Variants in GLI3 observed in about 807,000 individuals in gnomAD.
GLI3 encodes GLI family zinc finger 3, also known as transcription activator GLI3.
GLI3 carries 20 observed loss-of-function variants against 100.8 expected under a neutral mutation model. The ratio of observed to expected loss-of-function variants is 0.20; its 90% confidence interval spans 0.14 to 0.29. The LOEUF (loss-of-function observed/expected upper bound fraction) is 0.29, where lower values mean the gene tolerates loss of function less well. Among genes scored for constraint, GLI3 ranks in the 10% least tolerant of loss-of-function variants. GLI3 has a pLI of 1.00. For missense variants in GLI3, 2,040 were observed against 2,128.5 expected (o/e 0.96, Z 0.82); for synonymous variants, 938 against 860.5 (o/e 1.09, Z -1.58).
chr7:42,007,749 C>T (rs150131345), intron 10 of GLI3, among the ~76,000 whole-genome samples: 1 of 152,194 alleles, frequency 6.6e-6, no homozygotes, highest in East Asian at 1.9e-4. Context: ...GAAGTTTTTA[C>T]AATAGAGGTG....
intron 7 of GLI3, among the ~76,000 whole-genome samples, chr7:42,037,173 G>C (rs1218609015): frequency 6.6e-6 from 1 of 152,112 alleles, no homozygotes; most frequent in Non-Finnish European, 1.5e-5. Flanking sequence ...AACACCACTT[G>C]CTTTGCCAAA....
chr7:42,187,567 T>C (rs538574379), intron 2 of GLI3, among the ~76,000 whole-genome samples: 1 of 152,274 alleles, frequency 6.6e-6, no homozygotes, highest in African/African-American at 2.4e-5. Flanking sequence ...CTAGATTGAA[T>C]AGTGTCCTCC....
At chr7:42,222,923 T>C (rs1166714031) in intron 2 of GLI3, 5 of 590,434 alleles carry the variant, frequency 8.5e-6, no homozygotes, top group African/African-American at 5.6e-5. Context: ...ATTAGAAAGT[T>C]TGGAAGTCAA....
Position 41,966,161 on chromosome 7 carries a change from G to T in GLI3, c.2912C>A (p.Pro971His). ...GDALEPGVAL[P>H]PVHAPRRCSD... ...GCACCTCCTCGGGGCATGAACTGGA[G>T]GCAGGGCCACGCCAGGCTCGAGGGC... The change falls in exon 15 of 15, where the codon CCT becomes CAT. Residue 971 changes from proline to histidine, a missense_variant. This residue lies in a region of GLI3 where 1,041 missense variants were observed against 924.0 expected (regional missense o/e 1.13). Coordinates refer to ENST00000395925, the MANE Select transcript of GLI3 (RefSeq NM_000168.6). This position sits in a 1 kb window ranked among gnomAD's most constrained non-coding sequence, Gnocchi z 5.8. 1.3e-6 allele frequency: 2 copies of T among 1,599,722 alleles called. No individual in the cohort carries two copies.
At chr7:42,086,991 C>T (rs551060562) in intron 3 of GLI3, among the ~76,000 whole-genome samples, 1 of 152,122 alleles carries the variant, frequency 6.6e-6, no homozygotes, top group South Asian at 2.1e-4. Flanking sequence ...GGTGCACACA[C>T]CCACAGGTCA....
intron 10 of GLI3, among the ~76,000 whole-genome samples, chr7:41,996,271 T>A (rs551034700): frequency 3.5e-4 from 54 of 152,226 alleles, no homozygotes; most frequent in African/African-American, 1.2e-3. Flanking sequence ...CATTAAAAAT[T>A]ATTTGTTGGA....
chr7:42,081,617 T>C (rs1443980354), intron 3 of GLI3, among the ~76,000 whole-genome samples: 1 of 152,178 alleles, frequency 6.6e-6, no homozygotes, highest in Admixed American at 6.5e-5. Flanking sequence ...ATAAAACCTG[T>C]AGCCAGAGAA....
Position 42,218,019 on chromosome 7 carries a change from CA to C in GLI3, c.124+5110del, listed in dbSNP as rs575031220. On this transcript the variant is annotated intron_variant, in intron 2 of 14. Transcript: ENST00000395925. ...GAACGCTGAAAAGTTAATCTGCTCA[CA>C]CTCACATGGCTAGTCCTTCGTGTTG... Among the ~76,000 whole-genome samples the C allele has an allele frequency of 2.1e-3, 319 of 152,308 alleles. 1 individual carries two copies. The highest frequency in any genetic ancestry group is 3.5e-3 in the Non-Finnish European group (239 of 68,032).
In GLI3 at chr7:41,966,117, C is replaced by T; in HGVS notation, c.2956G>A (p.Gly986Ser). 1 of 1,579,152 alleles carries T rather than the reference C, an allele frequency of 6.3e-7. No homozygotes were observed. The highest frequency in any genetic ancestry group is 8.6e-7 in the Non-Finnish European group (1 of 1,168,008). The change falls in exon 15 of 15, where the codon GGC becomes AGC. Residue 986 changes from glycine (G) to serine (S), a missense_variant. Gly to Ser is a moderately conservative substitution (Grantham distance 56). Coordinates refer to ENST00000395925, the MANE Select transcript of GLI3 (RefSeq NM_000168.6). This position sits in a 1 kb window ranked among gnomAD's most constrained non-coding sequence, Gnocchi z 5.8. ...PRRCSDGGAH[G>S]YGRRHLQPHD... ...GGCTGCAGGTGGCGCCGCCCGTAGC[C>T]GTGGGCTCCCCCGTCGCTGCACCTC... is the stretch of plus-strand genomic sequence containing the variant.
At chr7:42,054,873 C>A in intron 4 of GLI3, among the ~76,000 whole-genome samples, 1 of 151,400 alleles carries the variant, frequency 6.6e-6, no homozygotes, top group Admixed American at 6.6e-5. Context: ...CCTACAGTCC[C>A]AGTCCCAGCT....
chr7:42,226,420 C>A (rs562377165), intron 1 of GLI3, among the ~76,000 whole-genome samples: 1 of 152,204 alleles, frequency 6.6e-6, no homozygotes, highest in Non-Finnish European at 1.5e-5. Flanking sequence ...TTTATTTTAA[C>A]AAAGCAATAA....
chr7:42,073,994 C>A (rs1358341), intron 4 of GLI3, among the ~76,000 whole-genome samples: 3 of 152,302 alleles, frequency 2.0e-5, no homozygotes, highest in East Asian at 1.9e-4. Flanking sequence ...CCTCGATTAG[C>A]CTCCACTTTC....
At chr7:42,042,741 C>G (rs1339393809) in intron 6 of GLI3, among the ~76,000 whole-genome samples, 7 of 152,302 alleles carry the variant, frequency 4.6e-5, no homozygotes, top group Non-Finnish European at 7.4e-5. Context: ...CCATGAAACC[C>G]TTTGGCTTGC....
chr7:42,092,395 A>C (rs1229891466), intron 3 of GLI3, among the ~76,000 whole-genome samples: 1 of 152,198 alleles, frequency 6.6e-6, no homozygotes, highest in South Asian at 2.1e-4. Flanking sequence ...ACAGGGATGG[A>C]AAGTTCAAGA....
chr7:41,984,025 A>G (rs1315517042), intron 10 of GLI3, among the ~76,000 whole-genome samples: 1 of 152,188 alleles, frequency 6.6e-6, no homozygotes, highest in African/African-American at 2.4e-5. Flanking sequence ...AGCCCATAGA[A>G]AGGTGGGAGA....
chr7:41,963,059 T>C lies in GLI3; in HGVS notation c.*1271A>G, dbSNP rs572990622. ...ATTAAGGACTAACTGCATGTAACAT[T>C]TAACTTCGTGAATGGATGCAGCATT... On this transcript the variant is annotated 3_prime_UTR_variant, in exon 15 of 15. Transcript: ENST00000395925. The C allele has an allele frequency of 6.6e-6, 1 of 152,338 alleles. No homozygotes were observed. Among genetic ancestry groups the C allele is most frequent in the Non-Finnish European group, 1.5e-5 (1 of 68,034 alleles). 9.4% of individuals were successfully genotyped at this position (152,338 alleles called of 1,614,324 possible). A position where few individuals can be genotyped will look rare whatever the true frequency, so the allele number is the denominator to read the frequency against.
chr7:42,116,487 G>GAAA (rs1166291083), intron 3 of GLI3, among the ~76,000 whole-genome samples: 6 of 92,208 alleles, frequency 6.5e-5, no homozygotes, highest in Admixed American at 1.2e-4. Flanking sequence ...TCTGCAAAAA[G>GAAA]AAAAAAAAAA....
chr7:41,977,952 T>C (rs202003992), intron 11 of GLI3: 1 of 554,674 alleles, frequency 1.8e-6, no homozygotes, highest in Non-Finnish European at 3.2e-6. Flanking sequence ...TTTTTTTTTT[T>C]AATAGACCGC....
Position 41,978,062 on chromosome 7 carries a change from A to G in GLI3, c.1648-340T>C, listed in dbSNP as rs1174882691. On this transcript the variant is annotated intron_variant, in intron 11 of 14. Transcript: ENST00000395925. ...AGTTCATTAATATAGCTTTGTGTCC[A>G]TACAAAGACATGGAATTTGATCATG... is the stretch of plus-strand genomic sequence containing the variant. 4 of 400,646 alleles carry G rather than the reference A, an allele frequency of 1.0e-5. No individual in the cohort carries two copies. The Admixed American group carries it at 1.5e-4, about 15-fold the overall frequency. 24.8% of individuals were successfully genotyped at this position (400,646 alleles called of 1,614,324 possible). A position where few individuals can be genotyped will look rare whatever the true frequency, so the allele number is the denominator to read the frequency against.
Sources: gnomAD v4.1 joint callset for allele counts (sites outside exome capture counted in the v4.1 genomes callset) on GRCh38, gnomAD v4.1.1 for gene constraint, gnomAD v4.1.1 regional missense constraint, Gnocchi (gnomAD v3.1) non-coding constraint, MANE v1.5 for transcripts, NCBI Gene and HGNC (gene_info 2026-07-23, HGNC 2026-07-21) for gene names.